The following TULP4 variants were observed in gnomAD, a reference collection of about 807,000 sequenced individuals.
TULP4 encodes TUB like protein 4.
Under a neutral mutation model 129.0 loss-of-function variants are expected in TULP4, and 16 were observed. The ratio of observed to expected loss-of-function variants is 0.12; its 90% CI spans 0.08 to 0.19. The LOEUF (loss-of-function observed/expected upper bound fraction) is 0.19, where lower values mean the gene tolerates loss of function less well. Among genes scored for constraint, TULP4 ranks in the 10% least tolerant of loss-of-function variants. The pLI is 1.00. For synonymous variants in TULP4, 998 were observed against 854.0 expected (o/e 1.17, Z -2.94); for missense variants, 1,842 against 2,059.1 (o/e 0.89, Z 2.04).
chr6:158,401,555 G>C (rs1340007565), intron 1 of TULP4, among the ~76,000 whole-genome samples: 1 of 152,190 alleles, frequency 6.6e-6, no homozygotes, highest in Admixed American at 6.5e-5. Context: ...ATGAAAAATG[G>C]AGTTGTGCCG....
chr6:158,311,296 C>T (rs1287854517), upstream of TULP4, among the ~76,000 whole-genome samples: 1 of 152,110 alleles, frequency 6.6e-6, no homozygotes, highest in Admixed American at 6.6e-5. Context: ...CTTCAGCTGC[C>T]CCAGGAGACT....
intron 1 of TULP4, among the ~76,000 whole-genome samples, chr6:158,406,009 C>T (rs559545151): frequency 2.6e-5 from 4 of 152,294 alleles, no homozygotes; most frequent in South Asian, 2.1e-4. Flanking sequence ...TGAAGTGGCT[C>T]CTCTGAGTGT....
chr6:158,328,125 T>TGCGTGC (rs1456117238), intron 1 of TULP4, among the ~76,000 whole-genome samples: 12 of 52,258 alleles, frequency 2.3e-4, no homozygotes, highest in South Asian at 2.0e-3. Context: ...TGTGTGTGTG[T>TGCGTGC]GTGCGTGCGT....
At chr6:158,505,348 G>A (rs1780576412) in intron 13 of TULP4, among the ~76,000 whole-genome samples, 1 of 152,244 alleles carries the variant, frequency 6.6e-6, no homozygotes, top group Non-Finnish European at 1.5e-5. Context: ...TGGCATACTG[G>A]CCTTTGGGCC....
At chr6:158,285,621 T>A (rs1778821697) in intron 1 of TULP4, among the ~76,000 whole-genome samples, 1 of 152,224 alleles carries the variant, frequency 6.6e-6, no homozygotes, top group African/African-American at 2.4e-5. Flanking sequence ...AATGAATAGC[T>A]CACAGCCGCT....
At chr6:158,319,182 T>C (rs1362608395) in intron 1 of TULP4, among the ~76,000 whole-genome samples, 2 of 152,192 alleles carry the variant, frequency 1.3e-5, no homozygotes, top group Non-Finnish European at 2.9e-5. Flanking sequence ...TACTGTGTTT[T>C]ATTATGGGGG....
rs1332702833 is a variant in TULP4, at chr6:158,510,623, ATCTTTTGTG to A, written c.*3930_*3938del. ...TATAAACCAGTGCATTTAAAGTAAT[ATCTTTTGTG>A]CACCTCTAAATGTGTTTGGAATTGT... On this transcript the variant is annotated 3_prime_UTR_variant, in exon 14 of 14. Coordinates refer to ENST00000367097, the MANE Select transcript of TULP4 (RefSeq NM_020245.5). 6.6e-6 allele frequency: 1 copy of A among 152,226 alleles called. No individual in the cohort carries two copies. Among genetic ancestry groups the A allele is most frequent in the African/African-American group, 2.4e-5 (1 of 41,456 alleles). The allele number at this position is 152,226 out of a possible 1,614,324, so 9.4% of individuals were successfully genotyped here.
chr6:158,360,733 G>A (rs1780766599), intron 1 of TULP4, among the ~76,000 whole-genome samples: 1 of 152,154 alleles, frequency 6.6e-6, no homozygotes, highest in Non-Finnish European at 1.5e-5. Context: ...GGTGGAATAG[G>A]CTGTATGCAA....
intron 1 of TULP4, among the ~76,000 whole-genome samples, chr6:158,273,359 GT>G (rs969015066): frequency 1.4e-5 from 2 of 146,046 alleles, no homozygotes; most frequent in Admixed American, 1.5e-4. Flanking sequence ...CTGACGTGGG[GT>G]TCCACAGGGC....
Position 158,314,262 on chromosome 6 carries a change from T to C in TULP4, c.246T>C (p.Asn82=), listed in dbSNP as rs1370302947. The C allele has an allele frequency of 2.5e-6, 4 of 1,613,032 alleles. No individual in the cohort carries two copies. Among genetic ancestry groups the C allele is most frequent in the Non-Finnish European group, 3.4e-6 (4 of 1,179,428 alleles). The change falls in exon 1 of 14, where the codon AAT becomes AAC. Residue 82 remains asparagine, a synonymous_variant. Coordinates refer to ENST00000367097, the MANE Select transcript of TULP4 (RefSeq NM_020245.5). The part of the protein sequence containing the change: ...QRINFNLRGH[N]SEVVLVRWNE... ...TAAATTTCAACCTCCGGGGCCACAA[T>C]AGCGAGGTGAGCTGTGGTTTTGTTT...
At chr6:158,459,855 A>C (rs1779385040) in intron 5 of TULP4, among the ~76,000 whole-genome samples, 1 of 152,154 alleles carries the variant, frequency 6.6e-6, no homozygotes, top group Non-Finnish European at 1.5e-5. Context: ...TCTCCAGAGA[A>C]CGTCATCTCA....
chr6:158,362,307 CTTG>C (rs1212450752), intron 1 of TULP4, among the ~76,000 whole-genome samples: 1 of 152,066 alleles, frequency 6.6e-6, no homozygotes, highest in Non-Finnish European at 1.5e-5. Flanking sequence ...ACAGACTGCG[CTTG>C]TTGTTTGTTC....
chr6:158,472,013 G>A (rs1179142159), intron 6 of TULP4, among the ~76,000 whole-genome samples: 1 of 152,200 alleles, frequency 6.6e-6, no homozygotes, highest in Non-Finnish European at 1.5e-5. Context: ...TGCTGGCATT[G>A]TGTTCCTTCT....
chr6:158,290,272 G>T (rs939992618), intron 1 of TULP4, among the ~76,000 whole-genome samples: 2 of 152,264 alleles, frequency 1.3e-5, no homozygotes, highest in South Asian at 4.1e-4. Context: ...GCATTTCCCT[G>T]ATGATAGTGA....
intron 1 of TULP4, among the ~76,000 whole-genome samples, chr6:158,335,522 G>A (rs577367933): frequency 7.2e-5 from 11 of 151,980 alleles, no homozygotes; most frequent in African/African-American, 2.4e-4. Flanking sequence ...CACATAAAAA[G>A]GTATATCCAG....
At chr6:158,243,141 T>A (rs745749203) in intron 1 of TULP4, among the ~76,000 whole-genome samples, 6 of 152,186 alleles carry the variant, frequency 3.9e-5, no homozygotes, top group Non-Finnish European at 8.8e-5. Flanking sequence ...AATAAAGCAC[T>A]GTATCTTGCC....
upstream of TULP4, among the ~76,000 whole-genome samples, chr6:158,308,923 C>T (rs1455362150): frequency 6.5e-5 from 9 of 139,532 alleles, no homozygotes; most frequent in East Asian, 4.5e-4. Context: ...GGCGGCTGGC[C>T]GGGCGGGGGG....
intron 1 of TULP4, among the ~76,000 whole-genome samples, chr6:158,248,718 G>A (rs1778080368): frequency 6.6e-6 from 1 of 151,764 alleles, no homozygotes; most frequent in Non-Finnish European, 1.5e-5. Flanking sequence ...CTCTAGCCTG[G>A]GTAACAGAGC....
At chr6:158,238,254 G>A in intron 1 of TULP4, 1 of 1,125,910 alleles carries the variant, frequency 8.9e-7, no homozygotes, top group Non-Finnish European at 1.3e-6. Flanking sequence ...AATTCCTGAA[G>A]CAGCTCTATT....
Sources: gnomAD v4.1 joint callset for allele counts (sites outside exome capture counted in the v4.1 genomes callset) on GRCh38, gnomAD v4.1.1 for gene constraint, MANE v1.5 for transcripts, NCBI Gene and HGNC (gene_info 2026-07-23, HGNC 2026-07-21) for gene names.